The following LRPPRC variants were observed in gnomAD, a reference collection of about 807,000 sequenced individuals.
LRPPRC encodes the protein leucine rich pentatricopeptide repeat containing, also known as leucine-rich PPR motif-containing protein, mitochondrial.
LRPPRC carries 120 observed loss-of-function variants against 180.3 expected under a neutral mutation model. The observed-to-expected ratio is 0.67, with a 90% confidence interval of 0.57 to 0.77. The LOEUF (loss-of-function observed/expected upper bound fraction) is 0.77, where lower values mean the gene tolerates loss of function less well. Among genes scored for constraint, LRPPRC ranks in the 30% least tolerant of loss-of-function variants. The pLI is 0.00. For missense variants in LRPPRC, 2,012 were observed against 1,657.2 expected (o/e 1.21, Z -3.72); for synonymous variants, 723 against 600.0 (o/e 1.21, Z -3.00).
chr2:43,973,565 G>T (rs1673911851), intron 11 of LRPPRC, 42 bp downstream of exon 11: 5 of 1,247,108 alleles, frequency 4.0e-6, no homozygotes, highest in African/African-American at 1.5e-5. Flanking sequence ...TGTCATACTG[G>T]CTCTGGGAAC....
chr2:43,952,722 T>C (rs1287551602), intron 14 of LRPPRC, among the ~76,000 whole-genome samples: 1 of 152,216 alleles, frequency 6.6e-6, no homozygotes, highest in East Asian at 1.9e-4. Flanking sequence ...AAGTTCTTTG[T>C]TTCCCAGAAG....
At chr2:43,985,008 G>T (rs555247721) in intron 1 of LRPPRC, among the ~76,000 whole-genome samples, 30 of 147,950 alleles carry the variant, frequency 2.0e-4, no homozygotes, top group Admixed American at 9.5e-4. Context: ...ATTAAGGTGG[G>T]TTTTTTTTTA....
chr2:43,923,115 A>C lies in LRPPRC; in HGVS notation c.2896+1952T>G, dbSNP rs139486302. ...CAAGAAAATAGTATTAAACTCAGAG[A>C]CCATATATCCCTAATGGAAATTTTA... On this transcript the variant is annotated intron_variant, in intron 27 of 37. Transcript: ENST00000260665. 4.0e-3 allele frequency among the ~76,000 whole-genome samples: 606 copies of C among 150,768 alleles called. 4 individuals carry two copies. The highest frequency in any genetic ancestry group is 0.014 in the African/African-American group (594 of 40,998).
rs1307700241 is a variant in LRPPRC, at chr2:43,957,281, ACTG to A, written c.1649+101_1649+103del. 7.2e-6 allele frequency: 6 copies of A among 831,840 alleles called. No homozygotes were observed. In the African/African-American group the frequency reaches 1.0e-4, roughly 14 times the overall value. The allele number at this position is 831,840 out of a possible 1,614,324, so 51.5% of individuals were successfully genotyped here. A position where few individuals can be genotyped will look rare whatever the true frequency, so the allele number is the denominator to read the frequency against. ...GTTATTTCAGGTAAACTGAATGTACACTGAAAGATAAGAATATTTGTATTTTTC... is the reference window on the plus strand; with the variant it reads ...GTTATTTCAGGTAAACTGAATGTACAAAAGATAAGAATATTTGTATTTTTC... On this transcript the variant is annotated intron_variant, in intron 14 of 37. Transcript: ENST00000260665.
intron 7 of LRPPRC, 72 bp from the exon 8 acceptor site, chr2:43,974,830 A>G: frequency 6.8e-7 from 1 of 1,469,540 alleles, no homozygotes; most frequent in East Asian, 2.3e-5. Context: ...TAAATAAAAT[A>G]TCCAGATTCA....
chr2:43,923,491 G>C (rs1224509972), intron 27 of LRPPRC, among the ~76,000 whole-genome samples: 1 of 152,084 alleles, frequency 6.6e-6, no homozygotes, highest in Non-Finnish European at 1.5e-5. Flanking sequence ...CAAAAACAAA[G>C]CAAAACTAAT....
In LRPPRC at chr2:43,975,190, G is replaced by T. The variant is rs778846857; in HGVS notation, c.765C>A (p.Leu255=). 6.2e-7 allele frequency: 1 copy of T among 1,613,380 alleles called. No homozygotes were observed. Among genetic ancestry groups the T allele is most frequent in the South Asian group, 1.1e-5 (1 of 91,070 alleles). ...CAATTCCGGCATCTCTCATCACTGT[G>T]AGAATGTTTTCTGCATTCTCCATAT... ...AGDMENAENI[L]TVMRDAGIEP... The change falls in exon 7 of 38, where the codon CTC becomes CTA. Residue 255 remains leucine, a synonymous_variant. Coordinates refer to ENST00000260665, the MANE Select transcript of LRPPRC (RefSeq NM_133259.4).
intron 23 of LRPPRC, among the ~76,000 whole-genome samples, chr2:43,939,819 G>C (rs965087963): frequency 6.6e-6 from 1 of 152,084 alleles, no homozygotes; most frequent in African/African-American, 2.4e-5. Flanking sequence ...ACATGCGTTC[G>C]GAACAGCACT....
chr2:43,985,183 A>C (rs1414438737), intron 1 of LRPPRC, among the ~76,000 whole-genome samples: 1 of 152,044 alleles, frequency 6.6e-6, no homozygotes, highest in Non-Finnish European at 1.5e-5. Flanking sequence ...ATAAGCAGAG[A>C]CTGACTAGAA....
At chr2:43,906,906 A>T (rs1477066419) in intron 30 of LRPPRC, among the ~76,000 whole-genome samples, 1 of 152,182 alleles carries the variant, frequency 6.6e-6, no homozygotes, top group African/African-American at 2.4e-5. Flanking sequence ...CCCATTGCTC[A>T]GTTTGACTTT....
At chr2:43,891,979 C>T (rs555503042) in intron 36 of LRPPRC, among the ~76,000 whole-genome samples, 11 of 152,236 alleles carry the variant, frequency 7.2e-5, no homozygotes, top group South Asian at 6.2e-4. Context: ...TTTATTGGTC[C>T]GGATAGAAGA....
At chr2:43,963,187 G>A (rs1673418754) in intron 12 of LRPPRC, among the ~76,000 whole-genome samples, 1 of 152,190 alleles carries the variant, frequency 6.6e-6, no homozygotes, top group Non-Finnish European at 1.5e-5. Context: ...GCTGATGCCT[G>A]TAATCCCAAC....
chr2:43,966,457 C>G (rs1050461926), intron 11 of LRPPRC, among the ~76,000 whole-genome samples: 14 of 151,076 alleles, frequency 9.3e-5, no homozygotes, highest in African/African-American at 3.4e-4. Flanking sequence ...GTTGTGCAAG[C>G]TGGAGTGCAA....
In LRPPRC at chr2:43,960,429, T is replaced by C. The variant is rs139791906; in HGVS notation, c.1582+112A>G. 104 of 740,530 alleles carry C rather than the reference T, an allele frequency of 1.4e-4. No homozygotes were observed. In the African/African-American group the frequency reaches 1.6e-3, roughly 11 times the overall value. 45.9% of individuals were successfully genotyped at this position (740,530 alleles called of 1,614,324 possible). On this transcript the variant is annotated intron_variant, in intron 13 of 37. Transcript: ENST00000260665. ...CATAAACCGTTTTATCAGTCTGGCT[T>C]TAACAAAACATATAAACCTTCCTTG...
At chr2:43,986,835 G>C (rs537603680) in intron 1 of LRPPRC, among the ~76,000 whole-genome samples, 2 of 152,310 alleles carry the variant, frequency 1.3e-5, no homozygotes, top group Admixed American at 6.5e-5. Flanking sequence ...AGTGAGACTA[G>C]ACAGTGCAAA....
intron 26 of LRPPRC, 32 bp from the exon 27 acceptor site, chr2:43,925,189 TTG>T: frequency 9.5e-7 from 1 of 1,051,974 alleles, no homozygotes; most frequent in South Asian, 1.3e-5. Context: ...TAGATCTACC[TTG>T]TGTAAAGGAT....
intron 12 of LRPPRC, among the ~76,000 whole-genome samples, chr2:43,962,104 C>T (rs1238994396): frequency 6.6e-6 from 1 of 152,128 alleles, no homozygotes; most frequent in Non-Finnish European, 1.5e-5. Context: ...ATGAATGTAA[C>T]CAAATTTGGG....
At chr2:43,993,036 T>C (rs895625810) in intron 1 of LRPPRC, among the ~76,000 whole-genome samples, 5 of 152,080 alleles carry the variant, frequency 3.3e-5, no homozygotes, top group African/African-American at 1.2e-4. Context: ...GCAAGAGGAA[T>C]CAAGCAAATG....
chr2:43,940,922 C>G (rs558234360), intron 23 of LRPPRC, among the ~76,000 whole-genome samples: 1 of 152,054 alleles, frequency 6.6e-6, no homozygotes, highest in African/African-American at 2.4e-5. Flanking sequence ...TGAAATAATA[C>G]TCATTTGGAC....
Sources: allele counts gnomAD v4.1 joint callset (sites outside exome capture counted in the v4.1 genomes callset), GRCh38; gene constraint gnomAD v4.1.1; transcripts MANE v1.5; gene names NCBI Gene and HGNC (gene_info 2026-07-23, HGNC 2026-07-21).